The following RASSF2 variants were observed in gnomAD, a reference collection of about 807,000 sequenced individuals.
RASSF2 encodes the protein ras association domain-containing protein 2.
A neutral mutation model predicts 46.3 loss-of-function variants in RASSF2; 34 were observed. That is an observed-to-expected ratio of 0.73 (90% CI 0.56 to 0.98). RASSF2 has a LOEUF of 0.98. Ranked by LOEUF, RASSF2 falls within the 50% of genes least tolerant of loss-of-function variation. The pLI is 0.00. For missense variants in RASSF2, 364 were observed against 431.2 expected (o/e 0.84, Z 1.38); for synonymous variants, 158 against 162.5 (o/e 0.97, Z 0.21).
chr20:4,789,504 A>G (rs924508483), intron 8 of RASSF2, 92 bp downstream of exon 8: 4 of 1,084,694 alleles, frequency 3.7e-6, no homozygotes, highest in Non-Finnish European at 4.1e-6. Flanking sequence ...CCCACAAAAC[A>G]CACAATTTCC....
At chr20:4,807,813 C>A (rs946671418) in intron 2 of RASSF2, among the ~76,000 whole-genome samples, 6 of 152,200 alleles carry the variant, frequency 3.9e-5, no homozygotes, top group Non-Finnish European at 7.3e-5. Context: ...CATAGCCTAA[C>A]CCAAAGTTGA....
At chr20:4,798,133 T>A (rs1225877532) in intron 3 of RASSF2, 48 bp from the exon 4 acceptor site, 1 of 1,607,196 alleles carries the variant, frequency 6.2e-7, no homozygotes, top group Non-Finnish European at 8.5e-7. Flanking sequence ...CTGAAGCCAC[T>A]TATAATGCAG....
At chr20:4,788,575 T>C (rs997238004) in intron 8 of RASSF2, among the ~76,000 whole-genome samples, 5 of 152,234 alleles carry the variant, frequency 3.3e-5, no homozygotes, top group Admixed American at 3.3e-4. Flanking sequence ...ACTTCACACC[T>C]AGGCCATATG....
chr20:4,795,130 G>C lies in RASSF2; in HGVS notation c.287+685C>G, dbSNP rs1455527902. The C allele has an allele frequency of 6.6e-6, 1 of 152,296 alleles. No individual in the cohort carries two copies. The highest frequency in any genetic ancestry group is 1.5e-5 in the Non-Finnish European group (1 of 68,080). 9.4% of individuals were successfully genotyped at this position (152,296 alleles called of 1,614,324 possible). A position where few individuals can be genotyped will look rare whatever the true frequency, so the allele number is the denominator to read the frequency against. On this transcript the variant is annotated intron_variant, in intron 5 of 11. Transcript: ENST00000379400. This position sits in a 1 kb window ranked among gnomAD's most constrained non-coding sequence, Gnocchi z 4.0. ...ACTCAAGTCCCAGAAAGACAATAAA[G>C]AGGGCATGCCTTGCTAGAGGCATTT...
At position 4,790,524 on chromosome 20, in the gene RASSF2, A is replaced by G; in HGVS notation, c.464T>C (p.Val155Ala). Residue 155 changes from valine to alanine, a missense_variant, in exon 7 of 12, where the codon GTG becomes GCG. Coordinates refer to ENST00000379400, the MANE Select transcript of RASSF2 (RefSeq NM_014737.3). The surrounding 1 kb of genome is among the most constrained non-coding windows in gnomAD (Gnocchi z 4.3). ...SDVGVRRRGN[V>A]RTPSDQRRIR... ...TCGCCGCTGGTCACTAGGCGTCCTC[A>G]CATTGCCACGGCGACGCACCCCAAC... is the stretch of plus-strand genomic sequence containing the variant. The G allele has an allele frequency of 6.5e-7, 1 of 1,531,804 alleles. No homozygotes were observed. The highest frequency in any genetic ancestry group is 1.3e-5 in the South Asian group (1 of 79,778). The allele number at this position is 1,531,804 out of a possible 1,614,324, so 94.9% of individuals were successfully genotyped here. A position where few individuals can be genotyped will look rare whatever the true frequency, so the allele number is the denominator to read the frequency against.
rs1429404430 is a variant in RASSF2 at position 4,789,594 on chromosome 20, G to C, written c.639+2C>G. The stretch of plus-strand genomic sequence containing the variant: ...TGTGGCCACTCAGCAAAGGGAACTT[G>C]CCTTAAATTTGTTGAGCAGCAGCTT... On this transcript the variant is annotated splice_donor_variant, in intron 8 of 11. Coordinates refer to ENST00000379400, the MANE Select transcript of RASSF2 (RefSeq NM_014737.3). LOFTEE classifies it high-confidence loss of function. 2 of 1,613,508 alleles carry C rather than the reference G, an allele frequency of 1.2e-6. No individual in the cohort carries two copies. Among genetic ancestry groups the C allele is most frequent in the Non-Finnish European group, 1.7e-6 (2 of 1,179,540 alleles).
intron 1 of RASSF2, among the ~76,000 whole-genome samples, 179 bp from the exon 2 acceptor site, chr20:4,822,582 A>C (rs1928772195): frequency 1.3e-5 from 2 of 152,228 alleles, no homozygotes; most frequent in African/African-American, 2.4e-5. Flanking sequence ...TCCGACTTAG[A>C]GCTGAATGCA....
chr20:4,796,791 C>T lies in RASSF2; in HGVS notation c.136-825G>A, dbSNP rs139036695. On this transcript the variant is annotated intron_variant, in intron 4 of 11. Coordinates refer to ENST00000379400, the MANE Select transcript of RASSF2 (RefSeq NM_014737.3). The stretch of plus-strand genomic sequence containing the variant: ...TTCTATAGGACATAACCCAGGAAAG[C>T]TATTTAAGAACTAAAATCTTGCATG... 8.8e-3 allele frequency among the ~76,000 whole-genome samples: 1,341 copies of T among 152,316 alleles called. 16 individuals are homozygous for T. Among genetic ancestry groups the T allele is most frequent in the Middle Eastern group, 0.031 (9 of 294 alleles).
At chr20:4,793,456 A>C (rs2122494847) in intron 5 of RASSF2, among the ~76,000 whole-genome samples, 1 of 152,334 alleles carries the variant, frequency 6.6e-6, no homozygotes, top group African/African-American at 2.4e-5. Flanking sequence ...AAGGACAATT[A>C]AAATGGAAAA....
intron 3 of RASSF2, among the ~76,000 whole-genome samples, chr20:4,798,497 G>C (rs1926562738): frequency 6.6e-6 from 1 of 152,148 alleles, no homozygotes; most frequent in Admixed American, 6.6e-5. Context: ...CACGCTGTGA[G>C]TGAGGAAAGG....
In RASSF2 at chr20:4,792,543, G is replaced by C; in HGVS notation, c.372C>G (p.Ser124=). ...APPEGDQMPS[S]TDSRGLKPLQ... ...GTACCTTCCACTCACATGTACCTGT[G>C]GAGCTTGGCATCTGGTCACCCTCCG... The change falls in exon 6 of 12, where the codon TCC becomes TCG. Residue 124 remains serine (S), a synonymous_variant. Coordinates refer to ENST00000379400, the MANE Select transcript of RASSF2 (RefSeq NM_014737.3). The C allele has an allele frequency of 6.2e-7, 1 of 1,614,126 alleles. No individual in the cohort carries two copies. The highest frequency in any genetic ancestry group is 8.5e-7 in the Non-Finnish European group (1 of 1,180,024).
chr20:4,810,599 G>A (rs972935795), intron 2 of RASSF2, among the ~76,000 whole-genome samples: 1 of 152,212 alleles, frequency 6.6e-6, no homozygotes, highest in African/African-American at 2.4e-5. Context: ...TCTTATTTAT[G>A]AATTGGGAAG....
chr20:4,822,278 TTTG>T (rs1394516453), intron 2 of RASSF2, 48 bp downstream of exon 2: 26 of 152,374 alleles, frequency 1.7e-4, no homozygotes, highest in African/African-American at 6.0e-4. Flanking sequence ...CAAATTGTTG[TTTG>T]TCAGCTGATT....
Position 4,805,050 on chromosome 20 carries a change from C to G in RASSF2, c.-32-3988G>C, listed in dbSNP as rs144760149. On this transcript the variant is annotated intron_variant, in intron 2 of 11. Coordinates refer to ENST00000379400, the MANE Select transcript of RASSF2 (RefSeq NM_014737.3). ...GAGATGGGGTGGCACGAGCAGAACC[C>G]CGACCTGGTGAGGAGTCTGGACTTC... Among the ~76,000 whole-genome samples, 230 of 152,206 alleles carry G rather than the reference C, an allele frequency of 1.5e-3. 3 individuals are homozygous for G. The East Asian group carries it at 0.04, about 27-fold the overall frequency.
At chr20:4,814,546 G>T (rs1568581904) in intron 2 of RASSF2, among the ~76,000 whole-genome samples, 1 of 152,082 alleles carries the variant, frequency 6.6e-6, no homozygotes, top group Non-Finnish European at 1.5e-5. Context: ...AGCTAGGATC[G>T]CTGGCCTCCT....
At chr20:4,797,486 A>G (rs1926442601) in intron 4 of RASSF2, among the ~76,000 whole-genome samples, 1 of 152,204 alleles carries the variant, frequency 6.6e-6, no homozygotes, top group Non-Finnish European at 1.5e-5. Context: ...TGGATACAGG[A>G]TGAGTAAGCT....
chr20:4,798,037 G>T lies in RASSF2; in HGVS notation c.108C>A (p.Gly36=), dbSNP rs754893243. Residue 36 remains glycine, a synonymous_variant, in exon 4 of 12, where the codon GGC becomes GGA. Coordinates refer to ENST00000379400, the MANE Select transcript of RASSF2 (RefSeq NM_014737.3). ...HLKTYNLYYE[G]QNLQLRHREE... ...CCCGGTGCCGGAGCTGTAAATTCTG[G>T]CCTTCATAGTACAAGTTGTAGGTCT... is the stretch of plus-strand genomic sequence containing the variant. The T allele has an allele frequency of 1.2e-6, 2 of 1,613,952 alleles. No homozygotes were observed. The highest frequency in any genetic ancestry group is 2.2e-5 in the South Asian group (2 of 91,084).
chr20:4,814,507 C>T (rs936004279), intron 2 of RASSF2, among the ~76,000 whole-genome samples: 5 of 152,166 alleles, frequency 3.3e-5, no homozygotes, highest in Non-Finnish European at 7.3e-5. Context: ...CCTCTACTCG[C>T]CACCTGGGGA....
intron 6 of RASSF2, among the ~76,000 whole-genome samples, chr20:4,791,045 C>T (rs1483800970): frequency 2.0e-5 from 3 of 152,170 alleles, no homozygotes; most frequent in African/African-American, 7.2e-5. Context: ...ACACATGCTA[C>T]CCACGGATGA....
Sources: allele counts gnomAD v4.1 joint callset (sites outside exome capture counted in the v4.1 genomes callset), GRCh38; gene constraint gnomAD v4.1.1; non-coding constraint Gnocchi (gnomAD v3.1); transcripts MANE v1.5; gene names NCBI Gene and HGNC (gene_info 2026-07-23, HGNC 2026-07-21).